ROBO2: variants seen among roughly 807,000 people sequenced by gnomAD.
ROBO2 encodes roundabout homolog 2.
ROBO2 carries 53 observed loss-of-function variants against 160.8 expected under a neutral mutation model. The ratio of observed to expected loss-of-function variants is 0.33; its 90% CI spans 0.26 to 0.41. The LOEUF is 0.41. Among genes scored for constraint, ROBO2 ranks in the 10% least tolerant of loss-of-function variants. The probability of loss-of-function intolerance (pLI) is 1.00; values close to 1 mark genes in which losing one functional copy is unlikely to be tolerated. For missense variants in ROBO2, 1,577 were observed against 1,722.4 expected, an observed-to-expected ratio of 0.92 and a Z score of 1.49; for synonymous variants, 664 against 611.7, an observed-to-expected ratio of 1.09 and a Z score of -1.26.
chr3:77,635,064 CTT>C (rs576083208), intron 24 of ROBO2, 21 bp downstream of exon 25: 2 of 1,612,562 alleles, frequency 1.2e-6, no homozygotes, highest in Non-Finnish European at 1.7e-6. Flanking sequence ...TCCCTTTACT[CTT>C]GTTTCCTCGC....
intron 2 of ROBO2, among the ~76,000 whole-genome samples, chr3:76,330,949 A>G (rs902245781): frequency 2.0e-5 from 3 of 152,228 alleles, no homozygotes; most frequent in Non-Finnish European, 4.4e-5. Context: ...ATTGCTAGAC[A>G]GTGCTAAATG....
intron 2 of ROBO2, among the ~76,000 whole-genome samples, chr3:76,566,064 T>C (rs2084500216): frequency 6.6e-6 from 1 of 152,162 alleles, no homozygotes; most frequent in African/African-American, 2.4e-5. Flanking sequence ...CCAGAACACA[T>C]AGCTTCCTTT....
intron 6 of ROBO2, among the ~76,000 whole-genome samples, chr3:77,542,080 C>T (rs1234918427): frequency 6.6e-6 from 1 of 152,192 alleles, no homozygotes; most frequent in Non-Finnish European, 1.5e-5. Flanking sequence ...CAGCCAAATA[C>T]TGTCTTTTCA....
chr3:76,657,635 CATATATA>C (rs2091603928), intron 2 of ROBO2, among the ~76,000 whole-genome samples: 1 of 137,262 alleles, frequency 7.3e-6, no homozygotes, highest in African/African-American at 2.9e-5. Flanking sequence ...TATATATATT[CATATATA>C]TGTGTATATA....
At chr3:76,271,687 T>G (rs1449944563) in intron 2 of ROBO2, among the ~76,000 whole-genome samples, 5 of 151,868 alleles carry the variant, frequency 3.3e-5, no homozygotes, top group African/African-American at 1.2e-4. Context: ...ATCAACTGTA[T>G]AGCACACTTT....
intron 2 of ROBO2, among the ~76,000 whole-genome samples, chr3:76,648,063 A>T (rs564767083): frequency 6.6e-6 from 1 of 152,154 alleles, no homozygotes; most frequent in East Asian, 1.9e-4. Context: ...TAATTCTTAT[A>T]TTCTTTTTTT....
At chr3:76,446,096 A>G (rs1458896444) in intron 2 of ROBO2, among the ~76,000 whole-genome samples, 1 of 152,186 alleles carries the variant, frequency 6.6e-6, no homozygotes, top group Non-Finnish European at 1.5e-5. Context: ...GAGGAAGTCA[A>G]ATTGTCCCTG....
chr3:76,400,403 A>T (rs2077745958), intron 2 of ROBO2, among the ~76,000 whole-genome samples: 2 of 151,768 alleles, frequency 1.3e-5, no homozygotes, highest in South Asian at 4.1e-4. Flanking sequence ...TTTGAGTGGC[A>T]TAGAATATAA....
rs57475227 is a variant in ROBO2 at position 77,433,486 on chromosome 3, G to GTATATATA, written c.389-43902_389-43895dup. Among the ~76,000 whole-genome samples, 349 of 99,372 alleles carry GTATATATA rather than the reference G, an allele frequency of 3.5e-3. 3 individuals carry two copies. Among genetic ancestry groups the GTATATATA allele is most frequent in the Middle Eastern group, 0.012 (2 of 164 alleles). The allele number at this position is 99,372 out of a possible 152,430, so 65.2% of individuals were successfully genotyped here. ...GATTTTCCTTCTTCTCTGGCAACTT[G>GTATATATA]TATATATATATATATATATATATAT... On this transcript the variant is annotated intron_variant, in intron 2 of 25. Transcript: ENST00000461745.
At chr3:76,534,952 G>T (rs563735458) in intron 2 of ROBO2, among the ~76,000 whole-genome samples, 1 of 152,114 alleles carries the variant, frequency 6.6e-6, no homozygotes, top group East Asian at 1.9e-4. Context: ...GAGGCAGATG[G>T]GCAGAAAGAA....
At chr3:77,040,772 T>C (rs1175129958) in exon 1 of ROBO2, 16 of 1,613,982 alleles carry the variant, frequency 9.9e-6, no homozygotes, top group Non-Finnish European at 1.4e-5. Flanking sequence ...CTGGATCCTT[T>C]TTAATATGTC....
At chr3:77,458,476 G>T (rs914069933) in intron 2 of ROBO2, among the ~76,000 whole-genome samples, 12 of 152,144 alleles carry the variant, frequency 7.9e-5, no homozygotes, top group African/African-American at 2.4e-4. Flanking sequence ...GACCAGTCCT[G>T]AGGGTTTCCG....
At chr3:77,004,409 T>C (rs1280388430) in intron 2 of ROBO2, among the ~76,000 whole-genome samples, 2 of 152,146 alleles carry the variant, frequency 1.3e-5, no homozygotes, top group Non-Finnish European at 2.9e-5. Context: ...TGAGTAATAG[T>C]TCAGGATTGG....
chr3:75,965,532 C>A (rs1485600258), intron 2 of ROBO2, among the ~76,000 whole-genome samples: 2 of 5,670 alleles, frequency 3.5e-4, no homozygotes, highest in Admixed American at 5.0e-3. Flanking sequence ...TTGTGAGTCT[C>A]TTGGTCATTC....
At chr3:76,093,241 T>A (rs1231825801) in intron 2 of ROBO2, among the ~76,000 whole-genome samples, 1 of 152,078 alleles carries the variant, frequency 6.6e-6, no homozygotes, top group African/African-American at 2.4e-5. Context: ...ATCAGCTTGC[T>A]TCCTCATTTG....
At chr3:77,278,970 C>A (rs1406680383) in intron 2 of ROBO2, among the ~76,000 whole-genome samples, 1 of 152,106 alleles carries the variant, frequency 6.6e-6, no homozygotes, top group Non-Finnish European at 1.5e-5. Context: ...TCATCATCAC[C>A]TTCACAGCAG....
chr3:76,769,819 A>G (rs1460249602), intron 2 of ROBO2, among the ~76,000 whole-genome samples: 2 of 151,372 alleles, frequency 1.3e-5, no homozygotes, highest in Admixed American at 1.3e-4. Flanking sequence ...CTTTCATTTA[A>G]AGTTGTCTGC....
intron 2 of ROBO2, among the ~76,000 whole-genome samples, chr3:76,025,567 GA>G (rs1364633661): frequency 6.6e-6 from 1 of 151,556 alleles, no homozygotes; most frequent in African/African-American, 2.4e-5. Flanking sequence ...CATAAAATAG[GA>G]ATAATCTGAG....
intron 2 of ROBO2, among the ~76,000 whole-genome samples, chr3:76,476,800 C>T (rs147813133): frequency 4.0e-5 from 6 of 151,864 alleles, no homozygotes; most frequent in East Asian, 3.9e-4. Flanking sequence ...CTTTACCAAA[C>T]GAGATTTGAT....
Sources: gnomAD v4.1 joint callset for allele counts (sites outside exome capture counted in the v4.1 genomes callset) on GRCh38, gnomAD v4.1.1 for gene constraint, MANE v1.5 for transcripts, NCBI Gene and HGNC (gene_info 2026-07-23, HGNC 2026-07-21) for gene names.